Variants in SORCS2 observed in about 807,000 individuals in gnomAD.
The protein encoded by SORCS2 is VPS10 domain-containing receptor SorCS2.
SORCS2 carries 100 observed loss-of-function variants against 141.6 expected under a neutral mutation model. The observed-to-expected ratio is 0.71, with a 90% CI of 0.60 to 0.83. The LOEUF (loss-of-function observed/expected upper bound fraction) is 0.83, where lower values mean the gene tolerates loss of function less well. Among genes scored for constraint, SORCS2 ranks in the 40% least tolerant of loss-of-function variants. The pLI is 0.00. For missense variants in SORCS2, 1,646 were observed against 1,560.2 expected, an observed-to-expected ratio of 1.05 and a Z score of -0.93; for synonymous variants, 789 against 676.9, an observed-to-expected ratio of 1.17 and a Z score of -2.57.
At chr4:7,392,932 G>A (rs1172282169) in intron 1 of SORCS2, among the ~76,000 whole-genome samples, 1 of 151,314 alleles carries the variant, frequency 6.6e-6, no homozygotes, top group South Asian at 2.1e-4. Flanking sequence ...GAGTGGATGA[G>A]TCGATGCTTG....
chr4:7,294,289 G>T (rs1716804620), intron 1 of SORCS2, among the ~76,000 whole-genome samples: 2 of 152,172 alleles, frequency 1.3e-5, no homozygotes, highest in Non-Finnish European at 2.9e-5. Flanking sequence ...GGTAAAACTG[G>T]GGCCAAGGCC....
intron 4 of SORCS2, among the ~76,000 whole-genome samples, chr4:7,649,282 G>A (rs193045786): frequency 4.6e-5 from 7 of 151,602 alleles, no homozygotes; most frequent in African/African-American, 1.7e-4. Flanking sequence ...AGTGAGCCCT[G>A]AGCCGAGCGT....
At chr4:7,293,356 C>T (rs1215505276) in intron 1 of SORCS2, among the ~76,000 whole-genome samples, 1 of 151,990 alleles carries the variant, frequency 6.6e-6, no homozygotes, top group Non-Finnish European at 1.5e-5. Context: ...CCACCTTTGT[C>T]CCCTGACCGA....
At chr4:7,313,410 T>C (rs1718330963) in intron 1 of SORCS2, among the ~76,000 whole-genome samples, 1 of 152,058 alleles carries the variant, frequency 6.6e-6, no homozygotes, top group African/African-American at 2.4e-5. Flanking sequence ...AAGAGGGGAA[T>C]GCAAATGTCA....
At chr4:7,433,257 G>T (rs1727007829) in intron 2 of SORCS2, 6 of 1,324,582 alleles carry the variant, frequency 4.5e-6, no homozygotes. Context: ...ATGGGGATGG[G>T]GAAAGCACCC....
chr4:7,296,989 G>A (rs536755527), intron 1 of SORCS2, among the ~76,000 whole-genome samples: 2 of 152,222 alleles, frequency 1.3e-5, no homozygotes, highest in East Asian at 1.9e-4. Flanking sequence ...AGCATCTTCC[G>A]GCCTCTGGGG....
At chr4:7,385,015 A>G (rs931493552) in intron 1 of SORCS2, among the ~76,000 whole-genome samples, 21 of 152,214 alleles carry the variant, frequency 1.4e-4, no homozygotes, top group African/African-American at 4.6e-4. Context: ...GCCTTCAGGG[A>G]TGCTCTGCGG....
At chr4:7,318,360 C>T (rs1017896338) in intron 1 of SORCS2, among the ~76,000 whole-genome samples, 20 of 152,124 alleles carry the variant, frequency 1.3e-4, no homozygotes, top group African/African-American at 4.3e-4. Context: ...CCTTGCAAGG[C>T]GAATGCACCA....
intron 2 of SORCS2, among the ~76,000 whole-genome samples, chr4:7,510,290 G>A (rs1223001639): frequency 6.6e-6 from 1 of 152,224 alleles, no homozygotes; most frequent in Non-Finnish European, 1.5e-5. Context: ...AGAGTCCTGC[G>A]CCGGCCCCCG....
At chr4:7,400,776 TG>T (rs553923668) in intron 2 of SORCS2, among the ~76,000 whole-genome samples, 103 of 151,062 alleles carry the variant, frequency 6.8e-4, no homozygotes, top group African/African-American at 2.4e-3. Context: ...GATGTATGGA[TG>T]GATGGACAGA....
chr4:7,496,084 G>T (rs1731598186), intron 2 of SORCS2, among the ~76,000 whole-genome samples: 1 of 152,210 alleles, frequency 6.6e-6, no homozygotes, highest in Non-Finnish European at 1.5e-5. Flanking sequence ...ATGGACGGGG[G>T]TGGGGATTTG....
intron 5 of SORCS2, among the ~76,000 whole-genome samples, chr4:7,655,911 G>A (rs763284821): frequency 5.9e-5 from 9 of 152,310 alleles, no homozygotes; most frequent in East Asian, 1.9e-4. Context: ...GGAAATTGGC[G>A]ATAATTCAAA....
At chr4:7,240,170 C>G (rs529569803) in intron 1 of SORCS2, among the ~76,000 whole-genome samples, 1 of 152,140 alleles carries the variant, frequency 6.6e-6, no homozygotes, top group Admixed American at 6.5e-5. Context: ...CTGTCGTGAT[C>G]CCCGAAGGAG....
At chr4:7,348,919 G>A (rs536178559) in intron 1 of SORCS2, among the ~76,000 whole-genome samples, 1 of 152,318 alleles carries the variant, frequency 6.6e-6, no homozygotes, top group African/African-American at 2.4e-5. Flanking sequence ...CATCATGTGA[G>A]CGGCCTCACT....
chr4:7,586,214 C>T (rs1468445335), intron 3 of SORCS2, among the ~76,000 whole-genome samples: 3 of 152,268 alleles, frequency 2.0e-5, no homozygotes, highest in African/African-American at 7.2e-5. Flanking sequence ...GACTGATTTG[C>T]TTCCTTCTGC....
At chr4:7,379,532 C>T (rs1403908252) in intron 1 of SORCS2, among the ~76,000 whole-genome samples, 1 of 152,222 alleles carries the variant, frequency 6.6e-6, no homozygotes, top group Non-Finnish European at 1.5e-5. Context: ...CTTTCCCGTT[C>T]ACAAATGAGT....
intron 18 of SORCS2, among the ~76,000 whole-genome samples, chr4:7,721,251 G>C (rs140280247): frequency 6.6e-6 from 1 of 152,184 alleles, no homozygotes; most frequent in Non-Finnish European, 1.5e-5. Flanking sequence ...GATCAGCTGA[G>C]GTCGGGAGTT....
chr4:7,426,066 T>G (rs1726413147), intron 2 of SORCS2, among the ~76,000 whole-genome samples: 1 of 152,162 alleles, frequency 6.6e-6, no homozygotes, highest in African/African-American at 2.4e-5. Context: ...GGCAGTGTTG[T>G]GGTTTTCATT....
intron 1 of SORCS2, among the ~76,000 whole-genome samples, chr4:7,379,022 G>A (rs1400222668): frequency 1.3e-5 from 2 of 152,170 alleles, no homozygotes; most frequent in Non-Finnish European, 2.9e-5. Flanking sequence ...CCCGGCCTTT[G>A]TTTTATGCGT....
Sources: allele counts gnomAD v4.1 joint callset (sites outside exome capture counted in the v4.1 genomes callset), GRCh38; gene constraint gnomAD v4.1.1; transcripts MANE v1.5; gene names NCBI Gene and HGNC (gene_info 2026-07-23, HGNC 2026-07-21).